APLF: variants seen among roughly 807,000 people sequenced by gnomAD.
APLF encodes aprataxin and PNKP like factor.
APLF carries 61 observed loss-of-function variants against 55.6 expected under a neutral mutation model. That is an observed-to-expected ratio of 1.10 (90% CI 0.89 to 1.36). The LOEUF is 1.36. APLF is among the 40% of genes most tolerant of loss of function. The pLI, the probability that APLF is intolerant of heterozygous loss-of-function variation, is 0.00. For synonymous variants in APLF, 207 were observed against 214.8 expected (o/e 0.96, Z 0.32); for missense variants, 611 against 602.5 (o/e 1.01, Z -0.15).
chr2:68,538,536 T>C (rs1244146854), intron 7 of APLF, among the ~76,000 whole-genome samples: 1 of 152,180 alleles, frequency 6.6e-6, no homozygotes, highest in African/African-American at 2.4e-5. Flanking sequence ...TTTAGTCTTT[T>C]CTTAAATATT....
intron 5 of APLF, among the ~76,000 whole-genome samples, chr2:68,516,034 C>A (rs987314271): frequency 6.6e-6 from 1 of 151,636 alleles, no homozygotes; most frequent in Non-Finnish European, 1.5e-5. Flanking sequence ...ATGTCTTTTG[C>A]AGCTTTAGGA....
intron 2 of APLF, among the ~76,000 whole-genome samples, chr2:68,500,031 T>A (rs1264681539): frequency 6.6e-6 from 1 of 152,188 alleles, no homozygotes; most frequent in African/African-American, 2.4e-5. Context: ...TATGCCATTG[T>A]TTTCATTCCT....
chr2:68,556,888 G>T (rs1671031907), intron 8 of APLF, among the ~76,000 whole-genome samples: 1 of 152,158 alleles, frequency 6.6e-6, no homozygotes, highest in African/African-American at 2.4e-5. Context: ...GGCCTGTGTA[G>T]TGTGACAGAA....
chr2:68,538,404 G>C (rs1281709800), intron 7 of APLF, among the ~76,000 whole-genome samples, 177 bp downstream of exon 7: 3 of 152,058 alleles, frequency 2.0e-5, no homozygotes, highest in African/African-American at 7.2e-5. Flanking sequence ...TCCTTTTAAG[G>C]CTTTTAAGAT....
chr2:68,556,240 T>C lies in APLF; in HGVS notation c.1286+10928T>C, dbSNP rs141166763. ...GGTGTGAGGGATAAAAGACCACAAA[T>C]TGGGTGCAGTGTATGCTGCTCGGGT... On this transcript the variant is annotated intron_variant, in intron 8 of 9. Transcript: ENST00000303795. 4.2e-3 allele frequency among the ~76,000 whole-genome samples: 640 copies of C among 152,188 alleles called. 3 individuals are homozygous for C. Among genetic ancestry groups the C allele is most frequent in the Non-Finnish European group, 7.5e-3 (508 of 67,990 alleles).
chr2:68,576,307 T>C (rs1459576637), intron 9 of APLF, among the ~76,000 whole-genome samples: 1 of 152,180 alleles, frequency 6.6e-6, no homozygotes, highest in African/African-American at 2.4e-5. Context: ...TTTTAAAAAA[T>C]GCATTTTATT....
chr2:68,551,233 T>C (rs983727700), intron 8 of APLF, among the ~76,000 whole-genome samples: 1 of 152,140 alleles, frequency 6.6e-6, no homozygotes, highest in Non-Finnish European at 1.5e-5. Context: ...GCCATTATAT[T>C]TTTAAATCAA....
At chr2:68,520,981 C>T (rs1159957391) in intron 5 of APLF, among the ~76,000 whole-genome samples, 2 of 152,010 alleles carry the variant, frequency 1.3e-5, no homozygotes, top group South Asian at 4.1e-4. Flanking sequence ...TTTGTGTCAT[C>T]TATGATTTCT....
chr2:68,514,246 C>T (rs896339312), intron 5 of APLF, among the ~76,000 whole-genome samples: 2 of 151,634 alleles, frequency 1.3e-5, no homozygotes, highest in African/African-American at 2.4e-5. Flanking sequence ...ATAATAGCTG[C>T]GTTAAAGTCT....
intron 1 of APLF, among the ~76,000 whole-genome samples, chr2:68,485,179 T>A (rs955402427): frequency 6.6e-6 from 1 of 152,162 alleles, no homozygotes; most frequent in Non-Finnish European, 1.5e-5. Context: ...TCGTTTTCAA[T>A]AATGCACTTT....
At chr2:68,500,076 T>A (rs188711033) in intron 2 of APLF, among the ~76,000 whole-genome samples, 19 of 152,344 alleles carry the variant, frequency 1.2e-4, no homozygotes, top group Admixed American at 2.6e-4. Flanking sequence ...TTTTGTTTAT[T>A]AATATTGTTA....
intron 1 of APLF, among the ~76,000 whole-genome samples, chr2:68,469,098 A>AT (rs1298222690): frequency 2.6e-5 from 4 of 151,296 alleles, no homozygotes; most frequent in African/African-American, 7.3e-5. Flanking sequence ...ATTGCTGTTC[A>AT]TTTTTTTACT....
chr2:68,536,909 G>A (rs1398869355), intron 6 of APLF, among the ~76,000 whole-genome samples: 2 of 151,996 alleles, frequency 1.3e-5, no homozygotes, highest in Non-Finnish European at 1.5e-5. Flanking sequence ...TCTCATGCCT[G>A]TAATCCCAAC....
Position 68,573,090 on chromosome 2 carries a change from A to T in APLF, c.1334-4730A>T, listed in dbSNP as rs114627906. ...TCAGAAATTACCACATTCTAATCCCATATAGTAAATAATATGTTGTTTTAA... is the reference window on the plus strand; with the variant it reads ...TCAGAAATTACCACATTCTAATCCCTTATAGTAAATAATATGTTGTTTTAA... On this transcript the variant is annotated intron_variant, in intron 9 of 9. Transcript: ENST00000303795. 3.0e-3 allele frequency among the ~76,000 whole-genome samples: 455 copies of T among 152,328 alleles called. 1 individual carries two copies. The highest frequency in any genetic ancestry group is 0.011 in the African/African-American group (439 of 41,576).
At chr2:68,501,462 A>G (rs1406330276) in intron 2 of APLF, among the ~76,000 whole-genome samples, 2 of 151,898 alleles carry the variant, frequency 1.3e-5, no homozygotes, top group South Asian at 2.1e-4. Flanking sequence ...CATTATGTAG[A>G]TTGCTTTGTC....
Position 68,579,328 on chromosome 2 carries a change from CTTATAATGTCCCT to C in APLF, c.*1310_*1322del, listed in dbSNP as rs897321150. On this transcript the variant is annotated 3_prime_UTR_variant, in exon 10 of 10. Transcript: ENST00000303795. ...TTGTTATTTGGGAACTATTTTTCCCCTTATAATGTCCCTTTAGCCTTGGTAGTATAACAAATCT... is the reference window on the plus strand; with the variant it reads ...TTGTTATTTGGGAACTATTTTTCCCCTTAGCCTTGGTAGTATAACAAATCT... The C allele has an allele frequency of 7.5e-6, 7 of 939,460 alleles. No homozygotes were observed. Among genetic ancestry groups the C allele is most frequent in the Admixed American group, 6.2e-5 (1 of 16,186 alleles). 58.2% of individuals were successfully genotyped at this position (939,460 alleles called of 1,614,324 possible). A position where few individuals can be genotyped will look rare whatever the true frequency, so the allele number is the denominator to read the frequency against.
At chr2:68,480,240 T>C (rs1159986101) in intron 1 of APLF, among the ~76,000 whole-genome samples, 1 of 152,068 alleles carries the variant, frequency 6.6e-6, no homozygotes, top group Non-Finnish European at 1.5e-5. Context: ...TGTAAGATCA[T>C]GTTATCTACA....
chr2:68,522,061 A>G (rs1260746426), intron 5 of APLF, among the ~76,000 whole-genome samples: 1 of 151,870 alleles, frequency 6.6e-6, no homozygotes, highest in Non-Finnish European at 1.5e-5. Context: ...CTTCTGACCT[A>G]TCTACTGCTT....
intron 1 of APLF, among the ~76,000 whole-genome samples, chr2:68,474,224 C>G (rs1028069729): frequency 2.0e-5 from 3 of 152,310 alleles, no homozygotes; most frequent in Non-Finnish European, 2.9e-5. Flanking sequence ...CTTTCCTAAC[C>G]CTGTCCCCTT....
Sources: allele counts gnomAD v4.1 joint callset (sites outside exome capture counted in the v4.1 genomes callset), GRCh38; gene constraint gnomAD v4.1.1; transcripts MANE v1.5; gene names NCBI Gene and HGNC (gene_info 2026-07-23, HGNC 2026-07-21).